The following PEBP4 variants were observed in gnomAD, a reference collection of about 807,000 sequenced individuals.
PEBP4 encodes the protein phosphatidylethanolamine binding protein 4, also known as phosphatidylethanolamine-binding protein 4.
In PEBP4, 22 loss-of-function variants were observed where a neutral mutation model predicts 23.9. The observed-to-expected ratio is 0.92, with a 90% confidence interval of 0.66 to 1.31. The LOEUF is 1.31. Ranked by LOEUF, PEBP4 falls within the 40% of genes most tolerant of loss-of-function variation. The pLI is 0.00. For missense variants in PEBP4, 324 were observed against 281.7 expected, an observed-to-expected ratio of 1.15 and a Z score of -1.07; for synonymous variants, 112 against 99.3, an observed-to-expected ratio of 1.13 and a Z score of -0.76.
At chr8:22,877,324 G>A (rs1326339036) in intron 3 of PEBP4, among the ~76,000 whole-genome samples, 1 of 152,148 alleles carries the variant, frequency 6.6e-6, no homozygotes, top group African/African-American at 2.4e-5. Flanking sequence ...GAATCAAAAC[G>A]TCAGGTCCAT....
chr8:22,735,847 TTA>T (rs1384322836), intron 4 of PEBP4, among the ~76,000 whole-genome samples: 3 of 152,252 alleles, frequency 2.0e-5, no homozygotes, highest in African/African-American at 7.2e-5. Flanking sequence ...CACCTCCCTT[TTA>T]CAAACAGTAA....
chr8:22,769,771 T>C (rs1371698113), intron 4 of PEBP4, among the ~76,000 whole-genome samples: 1 of 152,238 alleles, frequency 6.6e-6, no homozygotes, highest in Non-Finnish European at 1.5e-5. Flanking sequence ...TTCCATTGTT[T>C]TTCTTCGTAT....
intron 3 of PEBP4, among the ~76,000 whole-genome samples, chr8:22,898,391 C>CAA (rs536993520): frequency 0.064 from 511 of 7,954 alleles, 173 homozygotes; most frequent in Non-Finnish European, 0.087. Context: ...GACTCCACCC[C>CAA]AAAAAAAAAA....
chr8:22,768,838 T>C (rs1805660862), intron 4 of PEBP4, among the ~76,000 whole-genome samples: 1 of 152,114 alleles, frequency 6.6e-6, no homozygotes, highest in Non-Finnish European at 1.5e-5. Context: ...CACCGGCAGA[T>C]ACGAGGCAGA....
intron 4 of PEBP4, among the ~76,000 whole-genome samples, chr8:22,733,802 TGGGGATGGGGGAATTGGGGA>T (rs1441489856): frequency 3.3e-4 from 1 of 3,020 alleles, no homozygotes; most frequent in Non-Finnish European, 1.4e-3. Context: ...TTGGGGAGGG[TGGGGATGGGGGAATTGGGGA>T]GGGTGGGGAT....
intron 4 of PEBP4, among the ~76,000 whole-genome samples, chr8:22,793,456 T>G (rs1035772398): frequency 2.7e-5 from 4 of 149,848 alleles, no homozygotes; most frequent in Admixed American, 2.7e-4. Context: ...TTTTTTTGTA[T>G]TTTTAGTAGA....
At chr8:22,816,478 A>G (rs1359099664) in intron 4 of PEBP4, among the ~76,000 whole-genome samples, 1 of 152,040 alleles carries the variant, frequency 6.6e-6, no homozygotes, top group Non-Finnish European at 1.5e-5. Flanking sequence ...TCAGATTTAA[A>G]CCCCTTCCTC....
intron 2 of PEBP4, among the ~76,000 whole-genome samples, chr8:22,921,701 T>G (rs2128780947): frequency 6.6e-6 from 1 of 152,358 alleles, no homozygotes; most frequent in East Asian, 1.9e-4. Flanking sequence ...CTGAGCAAGT[T>G]TGTTTCTTCT....
rs1806575111 is a variant in PEBP4 at position 22,809,628 on chromosome 8, C to T, written c.357+8009G>A. ...ACTCTGGGCCTCAATTTCTCATCTC[C>T]ATTACCTCTGTCTTTTATGAGGACT... On this transcript the variant is annotated intron_variant, in intron 4 of 6. Coordinates refer to ENST00000256404, the MANE Select transcript of PEBP4 (RefSeq NM_144962.3). 2.0e-5 allele frequency among the ~76,000 whole-genome samples: 3 copies of T among 152,310 alleles called. No individual in the cohort carries two copies. The South Asian group carries it at 6.2e-4, about 32-fold the overall frequency.
intron 2 of PEBP4, among the ~76,000 whole-genome samples, chr8:22,923,082 G>T (rs1386567334): frequency 6.6e-6 from 1 of 152,202 alleles, no homozygotes; most frequent in African/African-American, 2.4e-5. Context: ...GAGTAACTGA[G>T]AAACTGTTGG....
intron 3 of PEBP4, among the ~76,000 whole-genome samples, chr8:22,902,939 G>A (rs1302304171): frequency 6.6e-6 from 1 of 152,172 alleles, no homozygotes; most frequent in African/African-American, 2.4e-5. Context: ...TGTAGGGGTT[G>A]GGGAGTGGGG....
chr8:22,869,404 T>G (rs1807965590), intron 3 of PEBP4, among the ~76,000 whole-genome samples: 1 of 152,248 alleles, frequency 6.6e-6, no homozygotes, highest in Admixed American at 6.5e-5. Flanking sequence ...TTTGTCTCGT[T>G]CCTTCACAGA....
At chr8:22,832,749 T>G (rs1007860528) in intron 3 of PEBP4, among the ~76,000 whole-genome samples, 25 of 152,228 alleles carry the variant, frequency 1.6e-4, no homozygotes, top group African/African-American at 6.0e-4. Flanking sequence ...TTTTATTTTC[T>G]GTATTTTCTG....
intron 3 of PEBP4, among the ~76,000 whole-genome samples, chr8:22,832,649 G>T (rs541792677): frequency 3.3e-5 from 5 of 152,180 alleles, no homozygotes; most frequent in African/African-American, 2.4e-5. Context: ...GAGGAGAAAC[G>T]AAAAGTATCC....
chr8:22,874,353 G>A lies in PEBP4; in HGVS notation c.258+45831C>T, dbSNP rs1016265602. 9.6e-4 allele frequency among the ~76,000 whole-genome samples: 146 copies of A among 152,114 alleles called. 3 individuals are homozygous for A. Among genetic ancestry groups the A allele is most frequent in the Non-Finnish European group, 2.1e-4 (14 of 68,008 alleles). On this transcript the variant is annotated intron_variant, in intron 3 of 6. Coordinates refer to ENST00000256404, the MANE Select transcript of PEBP4 (RefSeq NM_144962.3). ...TCAAAAGCCCGAAAAGCAATATCCCGCACTATAATACCCCTGCCTCCATGC... is the reference window on the plus strand; with the variant it reads ...TCAAAAGCCCGAAAAGCAATATCCCACACTATAATACCCCTGCCTCCATGC...
At chr8:22,853,138 G>A (rs2128767440) in intron 3 of PEBP4, among the ~76,000 whole-genome samples, 1 of 152,366 alleles carries the variant, frequency 6.6e-6, no homozygotes, top group South Asian at 2.1e-4. Context: ...TTTGATTTCG[G>A]TATGCGTAGA....
At chr8:22,816,927 T>C (rs1806753811) in intron 4 of PEBP4, among the ~76,000 whole-genome samples, 1 of 152,050 alleles carries the variant, frequency 6.6e-6, no homozygotes, top group Non-Finnish European at 1.5e-5. Flanking sequence ...TAGTAAAAGC[T>C]CCAAAAGCCC....
chr8:22,890,051 T>A (rs1445399518), intron 3 of PEBP4, among the ~76,000 whole-genome samples: 1 of 151,702 alleles, frequency 6.6e-6, no homozygotes, highest in Non-Finnish European at 1.5e-5. Flanking sequence ...TTGATAGGAG[T>A]GAGGAGAACA....
chr8:22,901,501 C>T (rs1272822182), intron 3 of PEBP4, among the ~76,000 whole-genome samples: 1 of 152,056 alleles, frequency 6.6e-6, no homozygotes, highest in Non-Finnish European at 1.5e-5. Flanking sequence ...GGGACGCAGC[C>T]CCTCCTGGTC....
Sources: allele counts gnomAD v4.1 joint callset (sites outside exome capture counted in the v4.1 genomes callset), GRCh38; gene constraint gnomAD v4.1.1; transcripts MANE v1.5; gene names NCBI Gene and HGNC (gene_info 2026-07-23, HGNC 2026-07-21).